MAP3K5: variants seen among roughly 807,000 people sequenced by gnomAD.
MAP3K5 encodes mitogen-activated protein kinase kinase kinase 5.
In MAP3K5, 56 loss-of-function variants were observed where a neutral mutation model predicts 158.7. That is an observed-to-expected ratio of 0.35 (90% CI 0.28 to 0.44). MAP3K5 has a LOEUF of 0.44. Ranked by LOEUF, MAP3K5 falls within the 20% of genes least tolerant of loss-of-function variation. The pLI is 1.00. For missense variants in MAP3K5, 1,294 were observed against 1,674.8 expected, an observed-to-expected ratio of 0.77 and a Z score of 3.97; for synonymous variants, 579 against 601.7, an observed-to-expected ratio of 0.96 and a Z score of 0.55.
At chr6:136,666,719 G>A (rs565256809) in intron 8 of MAP3K5, among the ~76,000 whole-genome samples, 3 of 151,924 alleles carry the variant, frequency 2.0e-5, no homozygotes, top group South Asian at 4.2e-4. Context: ...ATGTTGATTA[G>A]CATAATTTAC....
chr6:136,657,892 T>C (rs1778819004), intron 9 of MAP3K5, among the ~76,000 whole-genome samples: 1 of 152,240 alleles, frequency 6.6e-6, no homozygotes. Context: ...GAGCCGAGGC[T>C]GGAATGGCTA....
chr6:136,574,780 C>G (rs1562516585), intron 25 of MAP3K5, among the ~76,000 whole-genome samples: 1 of 151,394 alleles, frequency 6.6e-6, no homozygotes, highest in East Asian at 1.9e-4. Flanking sequence ...GCTCCACCCC[C>G]TGGGGTTCAT....
intron 18 of MAP3K5, among the ~76,000 whole-genome samples, chr6:136,606,376 A>G (rs1776102438): frequency 6.6e-6 from 1 of 152,104 alleles, no homozygotes; most frequent in South Asian, 2.1e-4. Context: ...CAAAAAGAAT[A>G]CAATGAAAAA....
In MAP3K5 at chr6:136,694,296, C is replaced by A. The variant is rs1467176549; in HGVS notation, c.1097G>T (p.Gly366Val). Residue 366 changes from glycine to valine, a missense_variant, in exon 7 of 30, where the codon GGT becomes GTT. Gly to Val is a moderately radical substitution (Grantham distance 109, BLOSUM62 -3). Coordinates refer to ENST00000359015, the MANE Select transcript of MAP3K5 (RefSeq NM_005923.4). ...AATATCAAGAGCTTTTGCTCTGTCA[C>A]CAGGGAGATTTCTCCTAAGGCAGAA... ...AFALNRRNLP[G>V]DRAKALDIMI... is the part of the protein sequence containing the mutation. The A allele has an allele frequency of 6.2e-7, 1 of 1,610,970 alleles. No individual in the cohort carries two copies. Among genetic ancestry groups the A allele is most frequent in the Non-Finnish European group, 8.5e-7 (1 of 1,179,650 alleles).
rs368032589 is a variant in MAP3K5 at position 136,561,638 on chromosome 6, A to G, written c.3882T>C (p.Pro1294=). The change falls in exon 28 of 30, where the codon CCT becomes CCC. Residue 1294 remains proline, a synonymous_variant. Transcript: ENST00000359015. ...AATTTAGATGAAATACAGGCAATTC[A>G]GGAATTTCTAGAACAGAATTTTGGG... ...LKLKSQPIEI[P]ELPVFHLNSS... is the part of the protein sequence containing the mutation. 3.8e-6 allele frequency: 6 copies of G among 1,587,230 alleles called. No homozygotes were observed. Among genetic ancestry groups the G allele is most frequent in the Non-Finnish European group, 5.2e-6 (6 of 1,155,444 alleles).
At chr6:136,704,547 T>C (rs2114703918) in intron 3 of MAP3K5, among the ~76,000 whole-genome samples, 1 of 152,304 alleles carries the variant, frequency 6.6e-6, no homozygotes, top group East Asian at 1.9e-4. Flanking sequence ...GATTTTCTTT[T>C]TATTTATTTA....
chr6:136,597,378 G>A (rs1379779918), intron 21 of MAP3K5, among the ~76,000 whole-genome samples: 1 of 152,150 alleles, frequency 6.6e-6, no homozygotes, highest in Non-Finnish European at 1.5e-5. Context: ...CCCTTCCATT[G>A]CTGTGAGGGT....
intron 23 of MAP3K5, among the ~76,000 whole-genome samples, chr6:136,584,027 T>C (rs1211717263): frequency 1.3e-5 from 2 of 152,268 alleles, no homozygotes; most frequent in African/African-American, 4.8e-5. Flanking sequence ...TTTTGAACTA[T>C]ATGGCACCTC....
intron 14 of MAP3K5, among the ~76,000 whole-genome samples, chr6:136,631,808 C>T (rs1347826793): frequency 6.6e-6 from 1 of 152,120 alleles, no homozygotes; most frequent in Non-Finnish European, 1.5e-5. Flanking sequence ...GGACACCTGG[C>T]ACCATGTGAG....
chr6:136,716,494 G>A (rs1334598312), intron 2 of MAP3K5, among the ~76,000 whole-genome samples: 1 of 152,172 alleles, frequency 6.6e-6, no homozygotes, highest in Non-Finnish European at 1.5e-5. Context: ...AAGATAAGCT[G>A]AGAGCTGGTG....
intron 10 of MAP3K5, among the ~76,000 whole-genome samples, chr6:136,653,620 G>A (rs527577186): frequency 6.6e-6 from 1 of 152,258 alleles, no homozygotes; most frequent in South Asian, 2.1e-4. Flanking sequence ...TATTTGTCCT[G>A]TTTTTCTGCT....
At chr6:136,648,733 G>C (rs952841579) in intron 11 of MAP3K5, among the ~76,000 whole-genome samples, 1 of 152,124 alleles carries the variant, frequency 6.6e-6, no homozygotes. Context: ...GTGATTTCTT[G>C]CCACTCTGGT....
intron 18 of MAP3K5, among the ~76,000 whole-genome samples, chr6:136,610,535 A>G (rs1307725433): frequency 6.6e-6 from 1 of 151,608 alleles, no homozygotes; most frequent in Non-Finnish European, 1.5e-5. Context: ...TCATCGTCCA[A>G]ATGGGAAGTG....
chr6:136,630,089 A>G (rs74525666), intron 14 of MAP3K5, among the ~76,000 whole-genome samples: 3,602 of 152,166 alleles, frequency 0.024, 146 homozygotes, highest in East Asian at 0.15. Flanking sequence ...AGGCCTTCCT[A>G]TCTAAAATTG....
intron 14 of MAP3K5, among the ~76,000 whole-genome samples, chr6:136,635,916 T>A (rs1777612739): frequency 6.6e-6 from 1 of 152,014 alleles, no homozygotes; most frequent in African/African-American, 2.4e-5. Context: ...TTATATTAAA[T>A]TTTTTTCTCA....
chr6:136,584,557 C>T (rs1449493532), intron 23 of MAP3K5: 1 of 152,322 alleles, frequency 6.6e-6, no homozygotes, highest in Non-Finnish European at 1.5e-5. Context: ...CATTCATTAT[C>T]ACAAGAACAG....
At chr6:136,767,481 C>G (rs1466898647) in intron 1 of MAP3K5, among the ~76,000 whole-genome samples, 2 of 151,942 alleles carry the variant, frequency 1.3e-5, no homozygotes, top group Admixed American at 6.6e-5. Context: ...ATCCCAAAAC[C>G]CTGAAAACCT....
chr6:136,701,932 C>T (rs751662713), intron 3 of MAP3K5, among the ~76,000 whole-genome samples: 2 of 152,150 alleles, frequency 1.3e-5, no homozygotes, highest in Admixed American at 6.5e-5. Flanking sequence ...ATGGGGAATA[C>T]TGCACCTGTG....
At position 136,601,003 on chromosome 6, in the gene MAP3K5, A is replaced by T. The variant is rs1291244189; in HGVS notation, c.2878+19T>A. The T allele has an allele frequency of 3.1e-6, 5 of 1,613,828 alleles. No individual in the cohort carries two copies. Among genetic ancestry groups the T allele is most frequent in the Non-Finnish European group, 4.2e-6 (5 of 1,179,888 alleles). Reference sequence around the variant, plus strand: ...GACACCAGGTCTCAGCTCAATGGGCAAAGTAAAAACAAACTCACCATTTGA... The same window carrying T: ...GACACCAGGTCTCAGCTCAATGGGCTAAGTAAAAACAAACTCACCATTTGA... On this transcript the variant is annotated intron_variant, in intron 21 of 29. Coordinates refer to ENST00000359015, the MANE Select transcript of MAP3K5 (RefSeq NM_005923.4).
Sources: gnomAD v4.1 joint callset for allele counts (sites outside exome capture counted in the v4.1 genomes callset) on GRCh38, gnomAD v4.1.1 for gene constraint, MANE v1.5 for transcripts, NCBI Gene and HGNC (gene_info 2026-07-23, HGNC 2026-07-21) for gene names.